C1orf21: variants seen among roughly 807,000 people sequenced by gnomAD.
C1orf21 encodes the protein uncharacterized protein C1orf21.
Under a neutral mutation model 18.7 loss-of-function variants are expected in C1orf21, and 3 were observed. The observed-to-expected ratio is 0.16, with a 90% CI of 0.07 to 0.42. C1orf21 has a LOEUF of 0.42. C1orf21 is among the 10% of genes least tolerant of loss of function. C1orf21 has a pLI of 0.99. For missense variants in C1orf21, 104 were observed against 143.6 expected (o/e 0.72, Z 1.41); for synonymous variants, 41 against 46.4 (o/e 0.88, Z 0.47).
chr1:184,487,867 G>A (rs1256282496), intron 2 of C1orf21, among the ~76,000 whole-genome samples: 2 of 152,152 alleles, frequency 1.3e-5, no homozygotes, highest in African/African-American at 2.4e-5. Flanking sequence ...TAGGGCTGTT[G>A]TGAGACTAAA....
At chr1:184,487,485 C>T (rs1455567940) in intron 2 of C1orf21, among the ~76,000 whole-genome samples, 12 of 152,186 alleles carry the variant, frequency 7.9e-5, no homozygotes, top group Non-Finnish European at 1.3e-4. Flanking sequence ...AGAAGTGGGA[C>T]GGTGGCTACA....
At chr1:184,527,257 TCAAG>T (rs1658391107) in intron 3 of C1orf21, among the ~76,000 whole-genome samples, 1 of 152,182 alleles carries the variant, frequency 6.6e-6, no homozygotes, top group Non-Finnish European at 1.5e-5. Flanking sequence ...TGGGTCCTTA[TCAAG>T]TGTGGCAGCT....
chr1:184,531,413 T>G (rs1288228441), intron 3 of C1orf21, among the ~76,000 whole-genome samples: 2 of 152,214 alleles, frequency 1.3e-5, no homozygotes, highest in African/African-American at 2.4e-5. Flanking sequence ...GTGTTGATTT[T>G]AATGTTTACT....
intron 2 of C1orf21, among the ~76,000 whole-genome samples, chr1:184,504,259 G>A (rs1658019508): frequency 1.3e-5 from 2 of 152,102 alleles, no homozygotes; most frequent in Non-Finnish European, 2.9e-5. Context: ...AAGAAAAATT[G>A]GGAACAGGTG....
intron 3 of C1orf21, among the ~76,000 whole-genome samples, chr1:184,528,523 C>T (rs547400694): frequency 4.3e-4 from 66 of 152,264 alleles, no homozygotes; most frequent in African/African-American, 1.5e-3. Flanking sequence ...CAGCTCACTG[C>T]AACCTCTGCC....
rs539994999 is a variant in C1orf21, at chr1:184,478,401, A to AT, written c.94+806dup. On this transcript the variant is annotated intron_variant, in intron 2 of 5. Transcript: ENST00000235307. ...ATGGCCACACCTGGTCTGCAAATACATTTTTTTTGCCCCCTCCCCAAAGAA... is the reference window on the plus strand; with the variant it reads ...ATGGCCACACCTGGTCTGCAAATACATTTTTTTTTGCCCCCTCCCCAAAGAA... Among the ~76,000 whole-genome samples the AT allele has an allele frequency of 3.2e-3, 482 of 152,014 alleles. 2 individuals carry two copies. Among genetic ancestry groups the AT allele is most frequent in the African/African-American group, 0.011 (460 of 41,432 alleles).
chr1:184,550,353 GA>G (rs1658794194), intron 3 of C1orf21, among the ~76,000 whole-genome samples: 1 of 151,996 alleles, frequency 6.6e-6, no homozygotes, highest in Non-Finnish European at 1.5e-5. Context: ...CCCAATACAA[GA>G]AAAAAAGAGG....
At chr1:184,497,821 G>A (rs1004032550) in intron 2 of C1orf21, among the ~76,000 whole-genome samples, 1 of 152,110 alleles carries the variant, frequency 6.6e-6, no homozygotes, top group Non-Finnish European at 1.5e-5. Context: ...ACGAAAAGAA[G>A]CACCAAATAT....
chr1:184,553,976 C>T (rs893280974), intron 3 of C1orf21, among the ~76,000 whole-genome samples: 9 of 152,206 alleles, frequency 5.9e-5, no homozygotes, highest in East Asian at 1.9e-4. Context: ...TAAATCAAAA[C>T]GTGAACCATT....
rs1377226298 is a variant in C1orf21, at chr1:184,625,843, G to A, written c.*6287G>A. 6.6e-6 allele frequency: 1 copy of A among 152,266 alleles called. No individual in the cohort carries two copies. The highest frequency in any genetic ancestry group is 6.5e-5 in the Admixed American group (1 of 15,274). 9.4% of individuals were successfully genotyped at this position (152,266 alleles called of 1,614,324 possible). On this transcript the variant is annotated 3_prime_UTR_variant, in exon 6 of 6. Coordinates refer to ENST00000235307, the MANE Select transcript of C1orf21 (RefSeq NM_030806.4). ...CTTGACTCGTCTGGGCTGCTAGCCG[G>A]GGTGTTGTGGCTGACATCCTTTCCT...
chr1:184,578,005 G>A (rs569453131), intron 3 of C1orf21, among the ~76,000 whole-genome samples: 7 of 143,412 alleles, frequency 4.9e-5, no homozygotes, highest in African/African-American at 1.8e-4. Flanking sequence ...CCAGGCTGGA[G>A]TGCAGTGGCG....
chr1:184,595,805 C>G lies in C1orf21; in HGVS notation c.267-2596C>G, dbSNP rs575484099. Among the ~76,000 whole-genome samples the G allele has an allele frequency of 2.6e-5, 4 of 152,308 alleles. No homozygotes were observed. The South Asian group carries it at 8.3e-4, about 32-fold the overall frequency. On this transcript the variant is annotated intron_variant, in intron 4 of 5. Transcript: ENST00000235307. ...TTCCATTCAGTCTTTCCTAACACAA[C>G]CCATGCACCGTACTTCAAGATGTCA...
chr1:184,523,660 A>G (rs1213314831), intron 3 of C1orf21, among the ~76,000 whole-genome samples: 1 of 152,216 alleles, frequency 6.6e-6, no homozygotes, highest in East Asian at 1.9e-4. Context: ...TGTTACTAGA[A>G]GAGAAAGCTA....
chr1:184,406,771 T>C (rs942002662), intron 1 of C1orf21, among the ~76,000 whole-genome samples: 1 of 152,174 alleles, frequency 6.6e-6, no homozygotes, highest in African/African-American at 2.4e-5. Context: ...TTTTTCCTCC[T>C]TTCCACACTG....
At chr1:184,592,680 T>C (rs534230122) in intron 4 of C1orf21, among the ~76,000 whole-genome samples, 2 of 147,680 alleles carry the variant, frequency 1.4e-5, no homozygotes, top group East Asian at 4.2e-4. Context: ...GCCCCATAAA[T>C]CAAAATCATA....
intron 5 of C1orf21, among the ~76,000 whole-genome samples, chr1:184,618,641 C>T (rs921979652): frequency 1.4e-5 from 2 of 146,506 alleles, no homozygotes; most frequent in African/African-American, 5.0e-5. Flanking sequence ...AACATTCCCC[C>T]CCCCCAAGAA....
chr1:184,401,265 GGC>G (rs1288139358), intron 1 of C1orf21, among the ~76,000 whole-genome samples: 1 of 151,984 alleles, frequency 6.6e-6, no homozygotes, highest in Non-Finnish European at 1.5e-5. Flanking sequence ...TCGTTGCCCA[GGC>G]TGGAGTGCAG....
intron 3 of C1orf21, chr1:184,540,143 C>A (rs1658625272): frequency 1.3e-5 from 2 of 152,152 alleles, no homozygotes; most frequent in Admixed American, 1.3e-4. Flanking sequence ...AAATAAAGAT[C>A]CATTATTGTT....
At chr1:184,451,375 C>G (rs1432410270) in intron 1 of C1orf21, among the ~76,000 whole-genome samples, 1 of 152,122 alleles carries the variant, frequency 6.6e-6, no homozygotes, top group South Asian at 2.1e-4. Context: ...ACTGAAGCCC[C>G]GACCTCCTGG....
Sources: allele counts gnomAD v4.1 joint callset (sites outside exome capture counted in the v4.1 genomes callset), GRCh38; gene constraint gnomAD v4.1.1; transcripts MANE v1.5; gene names NCBI Gene and HGNC (gene_info 2026-07-23, HGNC 2026-07-21).